USP24: variants seen among roughly 807,000 people sequenced by gnomAD.
The protein encoded by USP24 is ubiquitin carboxyl-terminal hydrolase 24.
A neutral mutation model predicts 361.6 loss-of-function variants in USP24; 97 were observed. The observed-to-expected ratio is 0.27, with a 90% CI of 0.23 to 0.32. The LOEUF (loss-of-function observed/expected upper bound fraction) is 0.32, where lower values mean the gene tolerates loss of function less well. Ranked by LOEUF, USP24 falls within the 10% of genes least tolerant of loss-of-function variation. The pLI, the probability that USP24 is intolerant of heterozygous loss-of-function variation, is 1.00. For missense variants in USP24, 2,353 were observed against 3,165.6 expected (o/e 0.74, Z 6.16); for synonymous variants, 1,098 against 1,124.6 (o/e 0.98, Z 0.47).
At chr1:55,103,387 T>C (rs1645689760) in intron 42 of USP24, among the ~76,000 whole-genome samples, 1 of 152,248 alleles carries the variant, frequency 6.6e-6, no homozygotes, top group Non-Finnish European at 1.5e-5. Flanking sequence ...TATCTGCTTA[T>C]GGGCCTGTCT....
intron 26 of USP24, among the ~76,000 whole-genome samples, 156 bp from the exon 27 acceptor site, chr1:55,138,060 C>G (rs772892139): frequency 6.6e-6 from 1 of 152,106 alleles, no homozygotes; most frequent in Non-Finnish European, 1.5e-5. Context: ...GTGAGGCTTC[C>G]CTTCTGCTAT....
intron 36 of USP24, among the ~76,000 whole-genome samples, chr1:55,122,412 A>C (rs1345888380): frequency 6.6e-6 from 1 of 152,202 alleles, no homozygotes; most frequent in Non-Finnish European, 1.5e-5. Context: ...CAAGTGGTAC[A>C]CAGTGTCCAC....
At chr1:55,181,215 C>A (rs1043200821) in intron 1 of USP24, among the ~76,000 whole-genome samples, 2 of 151,930 alleles carry the variant, frequency 1.3e-5, no homozygotes, top group African/African-American at 4.8e-5. Context: ...AACTTCAATG[C>A]CATATCAATG....
intron 1 of USP24, among the ~76,000 whole-genome samples, chr1:55,200,378 C>T (rs1334572123): frequency 6.6e-6 from 1 of 152,192 alleles, no homozygotes; most frequent in African/African-American, 2.4e-5. Context: ...TTTAGAACCA[C>T]TGGAATAGCT....
At position 55,206,303 on chromosome 1, in the gene USP24, G is replaced by C. The variant is rs74903580; in HGVS notation, c.324+8487C>G. 1.2e-3 allele frequency among the ~76,000 whole-genome samples: 190 copies of C among 152,268 alleles called. 3 individuals are homozygous for C. The highest frequency in any genetic ancestry group is 4.3e-3 in the African/African-American group (179 of 41,544). Reference sequence around the variant, plus strand: ...TTTTTTAACTGAAATGTTTTACTTGGTGTACATGCAAAATGCAGTGGGAGA... The same window carrying C: ...TTTTTTAACTGAAATGTTTTACTTGCTGTACATGCAAAATGCAGTGGGAGA... On this transcript the variant is annotated intron_variant, in intron 1 of 67. Transcript: ENST00000294383.
chr1:55,100,699 A>G, intron 44 of USP24, 140 bp downstream of exon 44: 1 of 878,674 alleles, frequency 1.1e-6, no homozygotes, highest in Admixed American at 3.9e-5. Flanking sequence ...AATTTCAACA[A>G]TGGTATACCA....
At chr1:55,090,363 C>T (rs897049488) in intron 54 of USP24, among the ~76,000 whole-genome samples, 4 of 152,156 alleles carry the variant, frequency 2.6e-5, no homozygotes, top group African/African-American at 9.7e-5. Flanking sequence ...CAAAAGTGAC[C>T]AATCCTATGC....
chr1:55,123,997 C>T lies in USP24; in HGVS notation c.4121-395G>A, dbSNP rs374528101. Among the ~76,000 whole-genome samples the T allele has an allele frequency of 5.9e-5, 9 of 151,986 alleles. 1 individual carries two copies. The East Asian group carries it at 1.4e-3, about 23-fold the overall frequency. ...TGTCTGCACTTTACTGTATATATGTCAAAATTTTAAAAACTTCCTTTATTA... is the reference window on the plus strand; with the variant it reads ...TGTCTGCACTTTACTGTATATATGTTAAAATTTTAAAAACTTCCTTTATTA... On this transcript the variant is annotated intron_variant, in intron 35 of 67. Coordinates refer to ENST00000294383, the MANE Select transcript of USP24 (RefSeq NM_015306.3).
At position 55,097,880 on chromosome 1, in the gene USP24, A is replaced by G. The variant is rs897678082; in HGVS notation, c.5595+63T>C. ...GGAGCTTAATACTGATTTTACATAA[A>G]ACAAAGACGCACTATGCGAATAACA... On this transcript the variant is annotated intron_variant, in intron 47 of 67. Transcript: ENST00000294383. 3.9e-6 allele frequency: 6 copies of G among 1,540,970 alleles called. No individual in the cohort carries two copies. In the Admixed American group the frequency reaches 1.1e-4, roughly 28 times the overall value.
intron 52 of USP24, 30 bp downstream of exon 52, chr1:55,093,907 C>T (rs1478094539): frequency 3.1e-6 from 5 of 1,611,550 alleles, no homozygotes; most frequent in Non-Finnish European, 4.2e-6. Flanking sequence ...CGTGGATATT[C>T]CCCCTTAGAA....
chr1:55,079,025 T>C (rs190720101), intron 60 of USP24, among the ~76,000 whole-genome samples: 305 of 150,926 alleles, frequency 2.0e-3, no homozygotes, highest in Admixed American at 4.1e-3. Context: ...ATATTGTTCA[T>C]AGATTCACAT....
chr1:55,095,927 A>G (rs560607551), intron 50 of USP24, among the ~76,000 whole-genome samples: 6 of 152,364 alleles, frequency 3.9e-5, no homozygotes, highest in Admixed American at 2.6e-4. Flanking sequence ...CCACTAGAAG[A>G]TTTCAAAATC....
At chr1:55,125,064 A>T (rs1239615012) in intron 34 of USP24, among the ~76,000 whole-genome samples, 1 of 152,156 alleles carries the variant, frequency 6.6e-6, no homozygotes, top group African/African-American at 2.4e-5. Context: ...CACCCATCAC[A>T]GCCACAGGTG....
At chr1:55,081,617 A>G (rs971007735) in intron 58 of USP24, among the ~76,000 whole-genome samples, 193 bp from the exon 59 acceptor site, 5 of 152,142 alleles carry the variant, frequency 3.3e-5, no homozygotes, top group African/African-American at 1.2e-4. Flanking sequence ...ATATTCTAAA[A>G]CCAGTCCCTT....
intron 20 of USP24, 151 bp downstream of exon 20, chr1:55,145,847 T>C (rs1041740407): frequency 3.5e-6 from 2 of 575,888 alleles, no homozygotes; most frequent in Non-Finnish European, 3.0e-6. Context: ...GGAATTTGAG[T>C]ACTAAATATG....
chr1:55,131,485 T>C (rs1269829139), intron 31 of USP24, among the ~76,000 whole-genome samples: 5 of 152,348 alleles, frequency 3.3e-5, no homozygotes, highest in South Asian at 4.1e-4. Flanking sequence ...AATGTCCATA[T>C]AAATAAGGAC....
chr1:55,107,215 G>T lies in USP24; in HGVS notation c.4762+24C>A, dbSNP rs201210932. On this transcript the variant is annotated intron_variant, in intron 40 of 67. Transcript: ENST00000294383. ...AACCGAGCACTGAAGAATCTGCCATGTGATAAGATGGAGCAATAATTACCA... is the reference window on the plus strand; with the variant it reads ...AACCGAGCACTGAAGAATCTGCCATTTGATAAGATGGAGCAATAATTACCA... 1.7e-3 allele frequency: 2,742 copies of T among 1,596,164 alleles called. 3 individuals are homozygous for T. The highest frequency in any genetic ancestry group is 2.2e-3 in the Non-Finnish European group (2,546 of 1,171,502).
chr1:55,067,521 G>A lies in USP24; in HGVS notation c.*1524C>T, dbSNP rs1644844020. The A allele has an allele frequency of 6.6e-6, 1 of 152,234 alleles. No individual in the cohort carries two copies. The highest frequency in any genetic ancestry group is 1.5e-5 in the Non-Finnish European group (1 of 68,066). The allele number at this position is 152,234 out of a possible 1,614,324, so 9.4% of individuals were successfully genotyped here. ...AATAACAATGAAGTCTGACAGCACA[G>A]AAACCCTCACTGCCAGAGAATGAAA... On this transcript the variant is annotated 3_prime_UTR_variant, in exon 68 of 68. Transcript: ENST00000294383.
chr1:55,083,891 G>T lies in USP24; in HGVS notation c.6766-3C>A. The T allele has an allele frequency of 6.4e-7, 1 of 1,574,668 alleles. No individual in the cohort carries two copies. Among genetic ancestry groups the T allele is most frequent in the African/African-American group, 1.4e-5 (1 of 73,892 alleles). ...AGTAACTGATGAAGGCTTTTTAACT[G>T]GTTAGAGGAAAGATAAAATTACATG... is the stretch of plus-strand genomic sequence containing the variant. On this transcript the variant is annotated splice_region_variant and splice_polypyrimidine_tract_variant and intron_variant, in intron 56 of 67. Coordinates refer to ENST00000294383, the MANE Select transcript of USP24 (RefSeq NM_015306.3).
Sources: allele counts gnomAD v4.1 joint callset (sites outside exome capture counted in the v4.1 genomes callset), GRCh38; gene constraint gnomAD v4.1.1; transcripts MANE v1.5; gene names NCBI Gene and HGNC (gene_info 2026-07-23, HGNC 2026-07-21).